Variants in HIPK1 observed in about 807,000 individuals in gnomAD.
The protein encoded by HIPK1 is homeodomain-interacting protein kinase 1.
HIPK1 carries 28 observed loss-of-function variants against 117.1 expected under a neutral mutation model. That is an observed-to-expected ratio of 0.24 (90% CI 0.18 to 0.33). The LOEUF (loss-of-function observed/expected upper bound fraction) is 0.33, where lower values mean the gene tolerates loss of function less well. Ranked by LOEUF, HIPK1 falls within the 10% of genes least tolerant of loss-of-function variation. The pLI, the probability that HIPK1 is intolerant of heterozygous loss-of-function variation, is 1.00. For synonymous variants in HIPK1, 605 were observed against 562.5 expected, an observed-to-expected ratio of 1.08 and a Z score of -1.07; for missense variants, 1,122 against 1,475.1, an observed-to-expected ratio of 0.76 and a Z score of 3.92.
intron 15 of HIPK1, among the ~76,000 whole-genome samples, chr1:113,972,312 AC>A (rs1672891671): frequency 2.0e-5 from 3 of 152,176 alleles, no homozygotes; most frequent in African/African-American, 2.4e-5. Context: ...GCTGATCCTT[AC>A]ATTGTTTACT....
At chr1:113,945,127 A>G (rs920631234) in intron 2 of HIPK1, among the ~76,000 whole-genome samples, 4 of 151,928 alleles carry the variant, frequency 2.6e-5, no homozygotes, top group Non-Finnish European at 5.9e-5. Context: ...GGGATTACAG[A>G]CATGAGCCAC....
chr1:113,929,881 T>C, intron 1 of HIPK1: 1 of 986,678 alleles, frequency 1.0e-6, no homozygotes, highest in East Asian at 1.1e-4. Flanking sequence ...AGATCTCGTC[T>C]CCTCCGCCGC....
At position 113,967,777 on chromosome 1, in the gene HIPK1, C is replaced by G; in HGVS notation, c.2393C>G (p.Ser798Cys). ...QQLADWRNAH[S>C]HGNQYSTIMQ... Reference sequence around the variant, plus strand: ...TTCTGTTGGTACAGGAATGCCCACTCTCATGGCAACCAGTACAGCACTATC... The same window carrying G: ...TTCTGTTGGTACAGGAATGCCCACTGTCATGGCAACCAGTACAGCACTATC... Residue 798 changes from serine (S) to cysteine (C), a missense_variant, in exon 12 of 16, where the codon TCT becomes TGT. Physicochemically the swap from Ser to Cys is moderately radical, Grantham distance 112. Around this residue, in one of 6 missense-constraint regions of HIPK1, gnomAD observed 731 missense variants for 860.4 expected, o/e 0.85. Coordinates refer to ENST00000426820, the MANE Select transcript of HIPK1 (RefSeq NM_198268.3). 2.0e-6 allele frequency: 3 copies of G among 1,532,456 alleles called. No individual in the cohort carries two copies. Among genetic ancestry groups the G allele is most frequent in the Non-Finnish European group, 2.6e-6 (3 of 1,142,610 alleles). The allele number at this position is 1,532,456 out of a possible 1,614,324, so 94.9% of individuals were successfully genotyped here.
rs1362810476 is a variant in HIPK1, at chr1:113,956,749, A to C, written c.1530A>C (p.Leu510=). The part of the protein sequence containing the change: ...TIDADKRITP[L]KTLNHQFVTM... ...ATGCAGATAAGAGAATTACCCCTCT[A>C]AAAACTCTTAACCATCAGTTTGTGA... Residue 510 remains leucine, a synonymous_variant, in exon 6 of 16, where the codon CTA becomes CTC. Transcript: ENST00000426820. 3 of 1,613,940 alleles carry C rather than the reference A, an allele frequency of 1.9e-6. No individual in the cohort carries two copies. Among genetic ancestry groups the C allele is most frequent in the Non-Finnish European group, 2.5e-6 (3 of 1,179,910 alleles).
At position 113,973,200 on chromosome 1, in the gene HIPK1, C is replaced by A. The variant is rs765601423; in HGVS notation, c.3321C>A (p.Ser1107Arg). The change falls in exon 16 of 16, where the codon AGC becomes AGA. Residue 1107 changes from serine (S) to arginine (R), a missense_variant. Ser to Arg is a moderately radical substitution (Grantham distance 110). Coordinates refer to ENST00000426820, the MANE Select transcript of HIPK1 (RefSeq NM_198268.3). ...HLAPAPAHLPSQAHLYTYAAP... is the reference protein window; with the variant it reads ...HLAPAPAHLPRQAHLYTYAAP... ...CCCCGGCCCCTGCTCACCTGCCAAG[C>A]CAGGCTCATCTGTATACGTATGCTG... The A allele has an allele frequency of 6.2e-7, 1 of 1,613,372 alleles. No individual in the cohort carries two copies. The highest frequency in any genetic ancestry group is 1.7e-5 in the Admixed American group (1 of 59,972).
rs537578789 is a variant in HIPK1 at position 113,933,185 on chromosome 1, A to G, written c.-3+3653A>G. On this transcript the variant is annotated intron_variant, in intron 1 of 15. Transcript: ENST00000426820. ...TGAACTATTGATTTTGATACAAAGC[A>G]ACAGCCTCTGCCACACTGAAGAAGT... is the stretch of plus-strand genomic sequence containing the variant. 1,469 of 985,366 alleles carry G rather than the reference A, an allele frequency of 1.5e-3. 2 individuals carry two copies. The highest frequency in any genetic ancestry group is 1.7e-3 in the Non-Finnish European group (1,388 of 829,858). The allele number at this position is 985,366 out of a possible 1,614,324, so 61.0% of individuals were successfully genotyped here. A position where few individuals can be genotyped will look rare whatever the true frequency, so the allele number is the denominator to read the frequency against.
chr1:113,949,859 C>T lies in HIPK1; in HGVS notation c.1077-2907C>T, dbSNP rs1571684123. Among the ~76,000 whole-genome samples the T allele has an allele frequency of 5.3e-5, 8 of 152,250 alleles. 2 individuals carry two copies. The highest frequency in any genetic ancestry group is 5.2e-4 in the Admixed American group (8 of 15,292). ...AGGTGATCCAGCCTCCTCGGCCTCCCAAAGTGCTTGTATTACAGGCATGAG... is the reference window on the plus strand; with the variant it reads ...AGGTGATCCAGCCTCCTCGGCCTCCTAAAGTGCTTGTATTACAGGCATGAG... On this transcript the variant is annotated intron_variant, in intron 2 of 15. Coordinates refer to ENST00000426820, the MANE Select transcript of HIPK1 (RefSeq NM_198268.3).
chr1:113,931,209 A>G (rs1669874359), intron 1 of HIPK1, among the ~76,000 whole-genome samples: 1 of 145,576 alleles, frequency 6.9e-6, no homozygotes, highest in Admixed American at 6.8e-5. Context: ...AATGCAAACT[A>G]TTACTAGCTT....
Position 113,929,410 on chromosome 1 carries a change from G to GCC in HIPK1, c.-122_-121dup. The GCC allele has an allele frequency of 1.6e-6, 2 of 1,289,344 alleles. No homozygotes were observed. The highest frequency in any genetic ancestry group is 2.0e-6 in the Non-Finnish European group (2 of 988,854). The allele number at this position is 1,289,344 out of a possible 1,614,324, so 79.9% of individuals were successfully genotyped here. ...AGTGCGGAGGGGGCGGGAAGTCCAG[G>GCC]CCCCGCACTCGATCCACGCTGGCTC... On this transcript the variant is annotated 5_prime_UTR_variant, in exon 1 of 16. Transcript: ENST00000426820.
Position 113,950,369 on chromosome 1 carries a change from A to G in HIPK1, c.1077-2397A>G, listed in dbSNP as rs1179456960. Among the ~76,000 whole-genome samples, 24 of 152,298 alleles carry G rather than the reference A, an allele frequency of 1.6e-4. 1 individual carries two copies. ...TAACTCCTGTAACATGAGGAATCTG[A>G]ATCTGGATCTGGATCTGGATCTGGA... On this transcript the variant is annotated intron_variant, in intron 2 of 15. Transcript: ENST00000426820.
intron 7 of HIPK1, among the ~76,000 whole-genome samples, chr1:113,957,590 C>T (rs1558139995): frequency 6.6e-6 from 1 of 152,196 alleles, no homozygotes; most frequent in Non-Finnish European, 1.5e-5. Flanking sequence ...ATGACTTTCT[C>T]CCTGTTAGGA....
Position 113,941,149 on chromosome 1 carries a change from G to A in HIPK1, c.766G>A (p.Glu256Lys), listed in dbSNP as rs1339225585. Reference sequence around the variant, plus strand: ...TGAGTATAATTTTGTCCGTTCATACGAGTGCTTTCAGCATAAGAATCACAC... The same window carrying A: ...TGAGTATAATTTTGTCCGTTCATACAAGTGCTTTCAGCATAAGAATCACAC... ...ADEYNFVRSYECFQHKNHTCL... is the reference protein window; with the variant it reads ...ADEYNFVRSYKCFQHKNHTCL... Residue 256 changes from glutamate to lysine, a missense_variant, in exon 2 of 16, where the codon GAG becomes AAG. Physicochemically the swap from Glu to Lys is moderately conservative, Grantham distance 56. Coordinates refer to ENST00000426820, the MANE Select transcript of HIPK1 (RefSeq NM_198268.3). This position sits in a 1 kb window ranked among gnomAD's most constrained non-coding sequence, Gnocchi z 4.9. The A allele has an allele frequency of 1.2e-6, 2 of 1,614,226 alleles. No individual in the cohort carries two copies. Among genetic ancestry groups the A allele is most frequent in the Non-Finnish European group, 8.5e-7 (1 of 1,180,044 alleles).
At chr1:113,965,396 T>G (rs116155818) in intron 10 of HIPK1, among the ~76,000 whole-genome samples, 129 of 152,342 alleles carry the variant, frequency 8.5e-4, no homozygotes, top group African/African-American at 3.0e-3. Context: ...AAATCATGTA[T>G]TTTCTTGTAG....
chr1:113,946,434 G>A (rs1418140627), intron 2 of HIPK1, among the ~76,000 whole-genome samples: 1 of 152,198 alleles, frequency 6.6e-6, no homozygotes, highest in East Asian at 1.9e-4. Context: ...GAAAAAGGGA[G>A]AGCAATAGGA....
At chr1:113,960,811 G>T (rs773234898) in intron 8 of HIPK1, among the ~76,000 whole-genome samples, 4 of 152,040 alleles carry the variant, frequency 2.6e-5, no homozygotes, top group African/African-American at 4.8e-5. Context: ...TATTTTGTAC[G>T]TTGCTGGATT....
At chr1:113,953,453 C>T (rs879350845) in intron 3 of HIPK1, among the ~76,000 whole-genome samples, 8 of 152,048 alleles carry the variant, frequency 5.3e-5, no homozygotes, top group East Asian at 1.9e-4. Flanking sequence ...GGAATTGGTC[C>T]GTTAAGGGAA....
chr1:113,963,373 A>AGTTT lies in HIPK1; in HGVS notation c.2104-14_2104-13insGTTT. On this transcript the variant is annotated splice_polypyrimidine_tract_variant and intron_variant, in intron 9 of 15. Transcript: ENST00000426820. ...CCGTGTTTGTTTCACTCACCTGCCT[A>AGTTT]ATCTACGTTTCAGGGAAGCTGTACA... The AGTTT allele has an allele frequency of 6.2e-7, 1 of 1,612,448 alleles. No individual in the cohort carries two copies. The highest frequency in any genetic ancestry group is 8.5e-7 in the Non-Finnish European group (1 of 1,179,476).
At chr1:113,933,668 C>T (rs1225176077) in intron 1 of HIPK1, among the ~76,000 whole-genome samples, 1 of 151,950 alleles carries the variant, frequency 6.6e-6, no homozygotes, top group Non-Finnish European at 1.5e-5. Context: ...AGTCTGAGAC[C>T]AGCCTGAGCA....
chr1:113,957,409 T>G, intron 7 of HIPK1, 123 bp downstream of exon 7: 1 of 703,040 alleles, frequency 1.4e-6, no homozygotes, highest in South Asian at 2.1e-5. Context: ...AATTCTCCAC[T>G]TGACAAAAGT....
Sources: allele counts gnomAD v4.1 joint callset (sites outside exome capture counted in the v4.1 genomes callset), GRCh38; gene constraint gnomAD v4.1.1; regional missense constraint gnomAD v4.1.1; non-coding constraint Gnocchi (gnomAD v3.1); transcripts MANE v1.5; gene names NCBI Gene and HGNC (gene_info 2026-07-23, HGNC 2026-07-21).